The following ZNF618 variants were observed in gnomAD, a reference collection of about 807,000 sequenced individuals.
ZNF618 encodes neural precursor cell expressed, developmentally down-regulated 10.
Under a neutral mutation model 103.0 loss-of-function variants are expected in ZNF618, and 34 were observed. The observed-to-expected ratio is 0.33, with a 90% CI of 0.25 to 0.44. The LOEUF is 0.44. ZNF618 is among the 20% of genes least tolerant of loss of function. The pLI is 1.00. For synonymous variants in ZNF618, 551 were observed against 542.2 expected (o/e 1.02, Z -0.23); for missense variants, 1,059 against 1,295.4 (o/e 0.82, Z 2.80).
At chr9:113,949,614 G>C (rs938128644) in intron 1 of ZNF618, among the ~76,000 whole-genome samples, 1 of 152,184 alleles carries the variant, frequency 6.6e-6, no homozygotes, top group Admixed American at 6.5e-5. Context: ...TCTGTCCCCA[G>C]GGGTTGTATG....
intron 4 of ZNF618, 103 bp from the exon 5 acceptor site, chr9:114,001,893 C>G: frequency 9.9e-7 from 1 of 1,010,300 alleles, no homozygotes; most frequent in Non-Finnish European, 1.6e-6. Flanking sequence ...ATCTCTGCCC[C>G]TGGGACAGAG....
At chr9:113,976,345 C>A (rs1341451459) in intron 2 of ZNF618, among the ~76,000 whole-genome samples, 1 of 152,224 alleles carries the variant, frequency 6.6e-6, no homozygotes, top group Non-Finnish European at 1.5e-5. Context: ...TGTTCAGAAT[C>A]TTGCCTTGTC....
rs538502167 is a variant in ZNF618, at chr9:113,906,417, G to C, written c.33+30004G>C. ...GGGCATTTCGCTCTTCCATGCTATA[G>C]TCAGGTTGTAGGGTCGTTTTAGTCA... On this transcript the variant is annotated intron_variant, in intron 1 of 14. Coordinates refer to ENST00000374126, the MANE Select transcript of ZNF618 (RefSeq NM_001318042.2). Among the ~76,000 whole-genome samples, 5 of 152,286 alleles carry C rather than the reference G, an allele frequency of 3.3e-5. No individual in the cohort carries two copies. In the South Asian group the frequency reaches 8.3e-4, roughly 25 times the overall value.
intron 3 of ZNF618, among the ~76,000 whole-genome samples, chr9:113,989,885 CT>C (rs1839866392): frequency 6.6e-6 from 1 of 152,272 alleles, no homozygotes; most frequent in Non-Finnish European, 1.5e-5. Flanking sequence ...TGCCTGCCCC[CT>C]GCCCTGGCTG....
chr9:114,000,952 C>T (rs1274857274), intron 4 of ZNF618, among the ~76,000 whole-genome samples: 1 of 152,244 alleles, frequency 6.6e-6, no homozygotes, highest in African/African-American at 2.4e-5. Flanking sequence ...GGTCTCCACC[C>T]CAGCCACTCT....
chr9:113,911,693 A>G (rs1831564353), intron 1 of ZNF618, among the ~76,000 whole-genome samples: 1 of 152,096 alleles, frequency 6.6e-6, no homozygotes, highest in Admixed American at 6.6e-5. Flanking sequence ...TTTTTAAAAA[A>G]GCTCAACATT....
At chr9:114,015,581 C>T (rs1842582096) in intron 9 of ZNF618, among the ~76,000 whole-genome samples, 2 of 152,258 alleles carry the variant, frequency 1.3e-5, no homozygotes, top group South Asian at 4.2e-4. Flanking sequence ...TACCCTTTCC[C>T]TCTCTTGAAT....
chr9:113,975,572 C>G (rs1838394088), intron 2 of ZNF618, among the ~76,000 whole-genome samples: 1 of 152,154 alleles, frequency 6.6e-6, no homozygotes, highest in South Asian at 2.1e-4. Flanking sequence ...ACTTTTTGAG[C>G]ACCAACATGA....
intron 1 of ZNF618, among the ~76,000 whole-genome samples, chr9:113,935,539 C>T (rs2131937508): frequency 6.6e-6 from 1 of 152,276 alleles, no homozygotes; most frequent in Admixed American, 6.5e-5. Flanking sequence ...TCGTGTCACT[C>T]CACAGAATGA....
chr9:114,000,752 G>T (rs541335098), intron 4 of ZNF618, among the ~76,000 whole-genome samples: 1 of 152,286 alleles, frequency 6.6e-6, no homozygotes, highest in East Asian at 1.9e-4. Flanking sequence ...GGAGGGGCTG[G>T]TCTTGTGCTG....
chr9:114,048,510 C>T lies in ZNF618; in HGVS notation c.1349-141C>T, dbSNP rs912443679. On this transcript the variant is annotated intron_variant, in intron 14 of 14. Transcript: ENST00000374126. Reference sequence around the variant, plus strand: ...CTGTGAGACCATCATATATTAAAGGCAGCCAGCACCACCCATGTGTGTGCA... The same window carrying T: ...CTGTGAGACCATCATATATTAAAGGTAGCCAGCACCACCCATGTGTGTGCA... 7 of 849,470 alleles carry T rather than the reference C, an allele frequency of 8.2e-6. No homozygotes were observed. In the Admixed American group the frequency reaches 1.7e-4, roughly 21 times the overall value. The allele number at this position is 849,470 out of a possible 1,614,324, so 52.6% of individuals were successfully genotyped here.
chr9:114,038,426 G>C (rs948193944), intron 13 of ZNF618, among the ~76,000 whole-genome samples: 1 of 152,202 alleles, frequency 6.6e-6, no homozygotes, highest in Admixed American at 6.5e-5. Flanking sequence ...ATGCCTGGCC[G>C]GCCATCCAGC....
At chr9:114,021,994 G>A (rs1843109743) in intron 10 of ZNF618, among the ~76,000 whole-genome samples, 1 of 152,158 alleles carries the variant, frequency 6.6e-6, no homozygotes, top group South Asian at 2.1e-4. Context: ...TTCATTTATG[G>A]GTGGATATTT....
intron 10 of ZNF618, among the ~76,000 whole-genome samples, chr9:114,025,981 G>A (rs1843463559): frequency 6.6e-6 from 1 of 152,216 alleles, no homozygotes; most frequent in South Asian, 2.1e-4. Context: ...ACACGCTAAT[G>A]GGGAGAGAGC....
At chr9:113,957,542 C>G (rs1048406154) in intron 1 of ZNF618, among the ~76,000 whole-genome samples, 3 of 152,148 alleles carry the variant, frequency 2.0e-5, no homozygotes, top group African/African-American at 7.2e-5. Context: ...ACAGGGGTCT[C>G]CTAGAGTATA....
intron 1 of ZNF618, among the ~76,000 whole-genome samples, chr9:113,951,526 C>CACAT (rs1835723423): frequency 2.4e-5 from 2 of 82,022 alleles, no homozygotes; most frequent in African/African-American, 4.3e-5. Flanking sequence ...TATATGTACA[C>CACAT]ATATGTGTGT....
intron 1 of ZNF618, among the ~76,000 whole-genome samples, chr9:113,909,801 T>C (rs1831345807): frequency 6.6e-6 from 1 of 151,850 alleles, no homozygotes; most frequent in African/African-American, 2.4e-5. Flanking sequence ...TTTTTTTTTT[T>C]TGAGACAGAG....
At chr9:113,964,750 CTTTTTT>C (rs765191153) in intron 1 of ZNF618, among the ~76,000 whole-genome samples, 2 of 98,488 alleles carry the variant, frequency 2.0e-5, no homozygotes, top group South Asian at 3.3e-4. Context: ...CTCCTTTCTG[CTTTTTT>C]TTTTTTTTTT....
At chr9:114,017,166 G>T (rs1466449346) in intron 10 of ZNF618, among the ~76,000 whole-genome samples, 28 of 152,186 alleles carry the variant, frequency 1.8e-4, no homozygotes, top group Admixed American at 1.8e-3. Flanking sequence ...GCTTCAGTCT[G>T]AACAGATGCA....
Sources: allele counts gnomAD v4.1 joint callset (sites outside exome capture counted in the v4.1 genomes callset), GRCh38; gene constraint gnomAD v4.1.1; transcripts MANE v1.5; gene names NCBI Gene and HGNC (gene_info 2026-07-23, HGNC 2026-07-21).